Variants in UBE2E3 observed in about 807,000 individuals in gnomAD.
UBE2E3 encodes ubiquitin-conjugating enzyme E2 E3.
UBE2E3 carries 5 observed loss-of-function variants against 23.6 expected under a neutral mutation model. The observed-to-expected ratio is 0.21, with a 90% confidence interval of 0.11 to 0.44. UBE2E3 has a LOEUF of 0.44. Among genes scored for constraint, UBE2E3 ranks in the 20% least tolerant of loss-of-function variants. The probability of loss-of-function intolerance (pLI) is 0.99; values close to 1 mark genes in which losing one functional copy is unlikely to be tolerated. For synonymous variants in UBE2E3, 78 were observed against 87.5 expected (o/e 0.89, Z 0.60); for missense variants, 81 against 249.8 (o/e 0.32, Z 4.55).
intron 3 of UBE2E3, among the ~76,000 whole-genome samples, chr2:180,985,540 A>C (rs1024036166): frequency 6.6e-6 from 1 of 152,152 alleles, no homozygotes; most frequent in Non-Finnish European, 1.5e-5. Context: ...ATTTAAAATT[A>C]CGTATGTGAC....
chr2:181,003,882 C>T (rs149668715), intron 3 of UBE2E3, among the ~76,000 whole-genome samples: 14 of 152,258 alleles, frequency 9.2e-5, no homozygotes, highest in African/African-American at 3.4e-4. Flanking sequence ...TTTCTGCATT[C>T]TCTCAGGAAG....
chr2:181,036,177 A>G (rs1045904525), intron 3 of UBE2E3, among the ~76,000 whole-genome samples: 3 of 152,218 alleles, frequency 2.0e-5, no homozygotes, highest in Non-Finnish European at 4.4e-5. Context: ...CTAGGTAAAC[A>G]TAGAGTAATC....
intron 3 of UBE2E3, among the ~76,000 whole-genome samples, chr2:181,031,503 CTG>C (rs961252012): frequency 5.9e-5 from 9 of 151,898 alleles, no homozygotes; most frequent in African/African-American, 1.7e-4. Flanking sequence ...CCACATTACT[CTG>C]TGTGTTTTTA....
intron 3 of UBE2E3, among the ~76,000 whole-genome samples, chr2:181,056,082 A>T (rs1361298198): frequency 2.2e-4 from 2 of 9,048 alleles, no homozygotes; most frequent in African/African-American, 4.7e-4. Flanking sequence ...GGAAATGCTT[A>T]AAAAAAAAAA....
At chr2:181,020,503 G>C (rs572070913) in intron 3 of UBE2E3, among the ~76,000 whole-genome samples, 1 of 152,308 alleles carries the variant, frequency 6.6e-6, no homozygotes, top group South Asian at 2.1e-4. Context: ...AATTCAAGCT[G>C]TCACAGTTGA....
intron 3 of UBE2E3, among the ~76,000 whole-genome samples, chr2:180,998,709 C>G (rs974410351): frequency 1.3e-5 from 2 of 152,002 alleles, no homozygotes; most frequent in African/African-American, 4.8e-5. Flanking sequence ...GAGAAAGCAT[C>G]AAATTGTGGT....
chr2:181,006,646 T>C (rs896831354), intron 3 of UBE2E3, among the ~76,000 whole-genome samples: 5 of 151,810 alleles, frequency 3.3e-5, no homozygotes, highest in Admixed American at 3.3e-4. Context: ...ACTTTTGATT[T>C]TGAGATAATT....
At chr2:180,996,703 C>G (rs933934719) in intron 3 of UBE2E3, among the ~76,000 whole-genome samples, 1 of 152,086 alleles carries the variant, frequency 6.6e-6, no homozygotes, top group African/African-American at 2.4e-5. Flanking sequence ...GGCCTAGATT[C>G]CACATTGTAG....
chr2:181,061,083 A>G (rs1320228878), intron 5 of UBE2E3, among the ~76,000 whole-genome samples: 1 of 151,234 alleles, frequency 6.6e-6, no homozygotes, highest in Admixed American at 6.6e-5. Context: ...TCTACTTTTA[A>G]AAGTATTTAG....
chr2:180,981,250 G>A (rs1196504442), intron 1 of UBE2E3: 1 of 151,668 alleles, frequency 6.6e-6, no homozygotes, highest in East Asian at 1.9e-4. Context: ...GAAATTTGTT[G>A]CACTTCTTGG....
rs540009535 is a variant in UBE2E3, at chr2:181,005,296, C to G, written c.245+21203C>G. Among the ~76,000 whole-genome samples the G allele has an allele frequency of 1.1e-3, 160 of 152,286 alleles. 5 individuals are homozygous for G. In the South Asian group the frequency reaches 0.031, roughly 30 times the overall value. ...CAGCTGTGTTCTTCAGATTGAGATG[C>G]AGTGTGAAATAGCGTGAATCTTGGC... On this transcript the variant is annotated intron_variant, in intron 3 of 5. Transcript: ENST00000410062.
chr2:181,032,713 T>C (rs1254001018), intron 3 of UBE2E3, among the ~76,000 whole-genome samples: 3 of 152,196 alleles, frequency 2.0e-5, no homozygotes, highest in Non-Finnish European at 4.4e-5. Flanking sequence ...TTATTAAATA[T>C]GCCTCCTTAT....
intron 3 of UBE2E3, among the ~76,000 whole-genome samples, chr2:181,040,244 G>A (rs1489328845): frequency 1.3e-5 from 2 of 152,194 alleles, no homozygotes; most frequent in Admixed American, 6.5e-5. Context: ...ACCCAGTTAA[G>A]CAATTTTGAT....
intron 3 of UBE2E3, among the ~76,000 whole-genome samples, chr2:181,033,262 C>T (rs1262655141): frequency 6.6e-6 from 1 of 152,176 alleles, no homozygotes; most frequent in Non-Finnish European, 1.5e-5. Context: ...AGGCATCACG[C>T]TACCTGACTT....
At chr2:181,034,553 G>A (rs921871110) in intron 3 of UBE2E3, among the ~76,000 whole-genome samples, 2 of 152,214 alleles carry the variant, frequency 1.3e-5, no homozygotes, top group South Asian at 2.1e-4. Context: ...GGGAGAGATA[G>A]CATTAGGAGA....
At position 181,012,841 on chromosome 2, in the gene UBE2E3, A is replaced by ATTGGT. The variant is rs1396185925; in HGVS notation, c.245+28748_245+28749insTTGGT. Among the ~76,000 whole-genome samples, 10 of 152,286 alleles carry ATTGGT rather than the reference A, an allele frequency of 6.6e-5. No homozygotes were observed. In the East Asian group the frequency reaches 1.9e-3, roughly 29 times the overall value. ...GTATAGGCATGAATTTAGAGATACT[A>ATTGGT]ACAAGTATTGGTATTTCTCATATTG... On this transcript the variant is annotated intron_variant, in intron 3 of 5. Transcript: ENST00000410062.
At chr2:181,025,251 C>T in intron 3 of UBE2E3, among the ~76,000 whole-genome samples, 1 of 152,064 alleles carries the variant, frequency 6.6e-6, no homozygotes, top group East Asian at 1.9e-4. Context: ...CTAGCCTACT[C>T]TCTTAAATAG....
intron 3 of UBE2E3, among the ~76,000 whole-genome samples, chr2:181,029,861 G>A (rs1220920000): frequency 6.9e-6 from 1 of 145,100 alleles, no homozygotes; most frequent in Admixed American, 6.9e-5. Flanking sequence ...TTTTTGAGAC[G>A]GAGTCTCTCT....
At chr2:180,986,916 GA>G (rs1684488581) in intron 3 of UBE2E3, among the ~76,000 whole-genome samples, 1 of 152,054 alleles carries the variant, frequency 6.6e-6, no homozygotes, top group South Asian at 2.1e-4. Flanking sequence ...TTTAATTAAT[GA>G]AATATTCTTT....
Sources: gnomAD v4.1 joint callset for allele counts (sites outside exome capture counted in the v4.1 genomes callset) on GRCh38, gnomAD v4.1.1 for gene constraint, MANE v1.5 for transcripts, NCBI Gene and HGNC (gene_info 2026-07-23, HGNC 2026-07-21) for gene names.